GNG2: variants seen among roughly 807,000 people sequenced by gnomAD.
GNG2 encodes the protein guanine nucleotide-binding protein G(I)/G(S)/G(O) subunit gamma-2.
Under a neutral mutation model 5.5 loss-of-function variants are expected in GNG2, and 5 were observed. The observed-to-expected ratio is 0.91, with a 90% CI of 0.48 to 1.92. The LOEUF is 1.92. Ranked by LOEUF, GNG2 falls within the 30% of genes most tolerant of loss-of-function variation. The pLI is 0.01. For synonymous variants in GNG2, 28 were observed against 32.0 expected, an observed-to-expected ratio of 0.88 and a Z score of 0.42; for missense variants, 55 against 88.4, an observed-to-expected ratio of 0.62 and a Z score of 1.52.
chr14:51,901,354 T>A (rs4901172), intron 2 of GNG2, among the ~76,000 whole-genome samples: 47,200 of 149,492 alleles, frequency 0.32, 7,689 homozygotes, highest in South Asian at 0.41. Context: ...GCCCAGCTAA[T>A]TTTTTTTTTT....
chr14:51,868,131 A>C (rs554428697), intron 1 of GNG2, among the ~76,000 whole-genome samples: 1 of 152,224 alleles, frequency 6.6e-6, no homozygotes, highest in Non-Finnish European at 1.5e-5. Flanking sequence ...TTACAATAGA[A>C]TTAATCGATG....
upstream of GNG2, chr14:51,860,521 C>G (rs557545506): frequency 3.9e-5 from 6 of 152,650 alleles, no homozygotes; most frequent in East Asian, 9.6e-4. Context: ...AAGAAGCAAG[C>G]CGCTAACAGC....
chr14:51,876,197 C>G (rs956439481), intron 1 of GNG2, among the ~76,000 whole-genome samples: 16 of 152,124 alleles, frequency 1.1e-4, no homozygotes, highest in Non-Finnish European at 4.4e-5. Context: ...CCTTGGCTTC[C>G]CAAAGTGCTG....
At chr14:51,930,922 C>T (rs1468763765) in intron 2 of GNG2, among the ~76,000 whole-genome samples, 1 of 152,150 alleles carries the variant, frequency 6.6e-6, no homozygotes, top group East Asian at 1.9e-4. Context: ...AGAGTGAGAA[C>T]TTACTCATTA....
chr14:51,860,093 G>GAAGCTGC (rs547661490), upstream of GNG2, among the ~76,000 whole-genome samples: 9 of 152,212 alleles, frequency 5.9e-5, no homozygotes, highest in East Asian at 5.8e-4. Flanking sequence ...GCTGCAGTGA[G>GAAGCTGC]AAGCTGCAAG....
chr14:51,908,249 C>T (rs1202435418), intron 2 of GNG2, among the ~76,000 whole-genome samples: 1 of 152,198 alleles, frequency 6.6e-6, no homozygotes, highest in Non-Finnish European at 1.5e-5. Context: ...TTTCCCAGAG[C>T]AAGCGATCCA....
intron 2 of GNG2, among the ~76,000 whole-genome samples, chr14:51,896,014 G>T (rs995273846): frequency 2.0e-5 from 3 of 152,150 alleles, no homozygotes; most frequent in African/African-American, 7.2e-5. Context: ...CTTGTAAATT[G>T]CCCAGTCTCG....
intron 2 of GNG2, among the ~76,000 whole-genome samples, chr14:51,834,754 A>G (rs1881287710): frequency 6.6e-6 from 1 of 152,238 alleles, no homozygotes; most frequent in East Asian, 1.9e-4. Flanking sequence ...TAATGCATGC[A>G]AAGTTGTTGA....
intron 3 of GNG2, among the ~76,000 whole-genome samples, chr14:51,960,851 A>G (rs1474625344): frequency 6.6e-6 from 1 of 152,126 alleles, no homozygotes; most frequent in Non-Finnish European, 1.5e-5. Flanking sequence ...TGTGATCTCC[A>G]GGATTGTTTT....
At chr14:51,947,119 C>T (rs1164343875) in intron 2 of GNG2, among the ~76,000 whole-genome samples, 1 of 152,164 alleles carries the variant, frequency 6.6e-6, no homozygotes, top group African/African-American at 2.4e-5. Flanking sequence ...TCCTGCATTT[C>T]TAGACTACTG....
chr14:51,961,440 T>C (rs1889608983), intron 3 of GNG2, among the ~76,000 whole-genome samples: 1 of 152,206 alleles, frequency 6.6e-6, no homozygotes. Context: ...TGAATATGTG[T>C]CAGGCACTGA....
chr14:51,865,722 G>T (rs1882832843), intron 1 of GNG2, among the ~76,000 whole-genome samples: 1 of 152,020 alleles, frequency 6.6e-6, no homozygotes. Context: ...TAAAAAAAAA[G>T]AGTAGACGGT....
At chr14:51,870,759 T>G (rs1436846613) in intron 1 of GNG2, among the ~76,000 whole-genome samples, 2 of 152,234 alleles carry the variant, frequency 1.3e-5, no homozygotes, top group Non-Finnish European at 1.5e-5. Flanking sequence ...GCATTCTCTT[T>G]ATGGTTGCTG....
At chr14:51,900,010 C>A (rs148568787) in intron 2 of GNG2, among the ~76,000 whole-genome samples, 8 of 152,232 alleles carry the variant, frequency 5.3e-5, no homozygotes, top group Non-Finnish European at 1.2e-4. Context: ...GATTTTAATT[C>A]TTTCATGTAT....
chr14:51,870,320 AAC>A (rs34242918), intron 1 of GNG2, among the ~76,000 whole-genome samples: 2,991 of 152,302 alleles, frequency 0.02, 101 homozygotes, highest in African/African-American at 0.066. Flanking sequence ...CCTGGCGAAA[AAC>A]ACAGACTGGA....
intron 3 of GNG2, among the ~76,000 whole-genome samples, chr14:51,961,848 T>G (rs74051391): frequency 0.072 from 10,995 of 152,144 alleles, 909 homozygotes; most frequent in African/African-American, 0.19. Context: ...AACATGAAAT[T>G]GGAGAGAGGG....
At chr14:51,831,448 G>A (rs1432130420) in intron 2 of GNG2, among the ~76,000 whole-genome samples, 1 of 152,176 alleles carries the variant, frequency 6.6e-6, no homozygotes, top group African/African-American at 2.4e-5. Flanking sequence ...CACATGAAAG[G>A]ATGATATAAA....
chr14:51,871,643 G>A (rs922770055), intron 1 of GNG2, among the ~76,000 whole-genome samples: 1 of 152,136 alleles, frequency 6.6e-6, no homozygotes, highest in Admixed American at 6.5e-5. Context: ...TATATTATTA[G>A]TATAACTTAT....
intron 2 of GNG2, among the ~76,000 whole-genome samples, chr14:51,902,089 G>T (rs1594894444): frequency 6.8e-6 from 1 of 147,064 alleles, no homozygotes; most frequent in Non-Finnish European, 1.5e-5. Context: ...GCAAACAAAA[G>T]AAATTTTAAA....
Sources: gnomAD v4.1 joint callset for allele counts (sites outside exome capture counted in the v4.1 genomes callset) on GRCh38, gnomAD v4.1.1 for gene constraint, MANE v1.5 for transcripts, NCBI Gene and HGNC (gene_info 2026-07-23, HGNC 2026-07-21) for gene names.